Variants in AGPAT4 observed in about 807,000 individuals in gnomAD.
AGPAT4 encodes the protein 1-acylglycerol-3-phosphate O-acyltransferase 4.
AGPAT4 carries 15 observed loss-of-function variants against 48.0 expected under a neutral mutation model. That is an observed-to-expected ratio of 0.31 (90% CI 0.21 to 0.48). The LOEUF is 0.48. Among genes scored for constraint, AGPAT4 ranks in the 20% least tolerant of loss-of-function variants. The pLI is 0.99. For synonymous variants in AGPAT4, 178 were observed against 198.7 expected (o/e 0.90, Z 0.88); for missense variants, 314 against 482.5 (o/e 0.65, Z 3.27).
chr6:161,211,948 G>C (rs1781532850), intron 2 of AGPAT4, among the ~76,000 whole-genome samples: 1 of 152,168 alleles, frequency 6.6e-6, no homozygotes, highest in African/African-American at 2.4e-5. Flanking sequence ...GGCCCAGAGA[G>C]TATTGTGGAA....
At position 161,198,807 on chromosome 6, in the gene AGPAT4, A is replaced by T. The variant is rs1211511682; in HGVS notation, c.179-32390T>A. ...ATGTTAACAGGGAAACTGACCTGGA[A>T]CGTATATGTTGTTTCGAGTAAAGAC... On this transcript the variant is annotated intron_variant, in intron 2 of 8. Transcript: ENST00000320285. This position sits in a 1 kb window ranked among gnomAD's most constrained non-coding sequence, Gnocchi z 4.3. 3.3e-5 allele frequency among the ~76,000 whole-genome samples: 5 copies of T among 152,190 alleles called. No individual in the cohort carries two copies. The highest frequency in any genetic ancestry group is 4.4e-5 in the Non-Finnish European group (3 of 68,034).
rs759838626 is a variant in AGPAT4 at position 161,249,787 on chromosome 6, G to A, written c.-89-17485C>T. Among the ~76,000 whole-genome samples the A allele has an allele frequency of 7.9e-5, 12 of 152,218 alleles. No homozygotes were observed. The Middle Eastern group carries it at 0.014, about 173-fold the overall frequency. ...AGACCTAAAAACAGAAATATCATTC[G>A]ACCCAGCAATCCCATTACTGGTTAT... On this transcript the variant is annotated intron_variant, in intron 1 of 8. Transcript: ENST00000320285. The surrounding 1 kb of genome is among the most constrained non-coding windows in gnomAD (Gnocchi z 6.2).
intron 2 of AGPAT4, among the ~76,000 whole-genome samples, chr6:161,170,586 T>C (rs537284506): frequency 6.6e-6 from 1 of 152,118 alleles, no homozygotes; most frequent in African/African-American, 2.4e-5. Flanking sequence ...CTTATGTAAA[T>C]ATACTGCACA....
At position 161,226,076 on chromosome 6, in the gene AGPAT4, T is replaced by G. The variant is rs1181550216; in HGVS notation, c.178+5960A>C. On this transcript the variant is annotated intron_variant, in intron 2 of 8. Transcript: ENST00000320285. The surrounding 1 kb of genome is among the most constrained non-coding windows in gnomAD (Gnocchi z 6.3). Reference sequence around the variant, plus strand: ...AAGGCGATCACCATCTGGGAACTGATAAGGATGACTCTTTGGACCTTCAAA... The same window carrying G: ...AAGGCGATCACCATCTGGGAACTGAGAAGGATGACTCTTTGGACCTTCAAA... Among the ~76,000 whole-genome samples the G allele has an allele frequency of 1.3e-5, 2 of 152,138 alleles. No homozygotes were observed. Among genetic ancestry groups the G allele is most frequent in the South Asian group, 4.1e-4 (2 of 4,828 alleles).
At position 161,216,813 on chromosome 6, in the gene AGPAT4, G is replaced by A. The variant is rs556782395; in HGVS notation, c.178+15223C>T. 6.6e-5 allele frequency among the ~76,000 whole-genome samples: 10 copies of A among 152,232 alleles called. No homozygotes were observed. The highest frequency in any genetic ancestry group is 2.6e-4 in the Admixed American group (4 of 15,296). ...AGACTTACTATCACGAGACTAGCAC[G>A]AGAAAAACTGGCCCTCATGATTCAA... is the stretch of plus-strand genomic sequence containing the variant. On this transcript the variant is annotated intron_variant, in intron 2 of 8. Coordinates refer to ENST00000320285, the MANE Select transcript of AGPAT4 (RefSeq NM_020133.3). This position sits in a 1 kb window ranked among gnomAD's most constrained non-coding sequence, Gnocchi z 4.8.
At chr6:161,268,986 T>C (rs1783347762) in intron 1 of AGPAT4, among the ~76,000 whole-genome samples, 1 of 152,210 alleles carries the variant, frequency 6.6e-6, no homozygotes, top group Non-Finnish European at 1.5e-5. Flanking sequence ...CCCACTTGTT[T>C]TTATCAGAAC....
Position 161,181,116 on chromosome 6 carries a change from C to T in AGPAT4, c.179-14699G>A, listed in dbSNP as rs77088050. Among the ~76,000 whole-genome samples the T allele has an allele frequency of 9.0e-3, 1,376 of 152,268 alleles. 21 individuals are homozygous for T. Among genetic ancestry groups the T allele is most frequent in the African/African-American group, 0.032 (1,319 of 41,540 alleles). ...TTAATAAAAGCACAAAGTGAAACTA[C>T]TAGCACGGAATAAACAGAAAGGTGC... is the stretch of plus-strand genomic sequence containing the variant. On this transcript the variant is annotated intron_variant, in intron 2 of 8. Transcript: ENST00000320285.
In AGPAT4 at chr6:161,196,715, A is replaced by T. The variant is rs1781074240; in HGVS notation, c.179-30298T>A. Among the ~76,000 whole-genome samples the T allele has an allele frequency of 6.6e-6, 1 of 151,718 alleles. No individual in the cohort carries two copies. The highest frequency in any genetic ancestry group is 1.5e-5 in the Non-Finnish European group (1 of 67,962). On this transcript the variant is annotated intron_variant, in intron 2 of 8. Coordinates refer to ENST00000320285, the MANE Select transcript of AGPAT4 (RefSeq NM_020133.3). The surrounding 1 kb of genome is among the most constrained non-coding windows in gnomAD (Gnocchi z 4.3). ...TCCCAGCTACTTGGGAGGCTGAGGCAGGAGAATCGCTTGAACCTGGGAGGC... is the reference window on the plus strand; with the variant it reads ...TCCCAGCTACTTGGGAGGCTGAGGCTGGAGAATCGCTTGAACCTGGGAGGC...
At chr6:161,258,159 T>C (rs545109398) in intron 1 of AGPAT4, among the ~76,000 whole-genome samples, 1 of 151,984 alleles carries the variant, frequency 6.6e-6, no homozygotes, top group African/African-American at 2.4e-5. Flanking sequence ...CTTATGACAC[T>C]TTTTTTCCTC....
At chr6:161,181,348 G>C (rs547433315) in intron 2 of AGPAT4, among the ~76,000 whole-genome samples, 1 of 152,210 alleles carries the variant, frequency 6.6e-6, no homozygotes, top group South Asian at 2.1e-4. Flanking sequence ...TGTGCACTAA[G>C]CAGCTAGCTC....
At position 161,171,444 on chromosome 6, in the gene AGPAT4, C is replaced by T. The variant is rs1360486336; in HGVS notation, c.179-5027G>A. Among the ~76,000 whole-genome samples the T allele has an allele frequency of 2.6e-5, 4 of 152,216 alleles. No homozygotes were observed. Among genetic ancestry groups the T allele is most frequent in the Non-Finnish European group, 4.4e-5 (3 of 68,048 alleles). ...AGGCAGAAGGGCAAGCAAGCATGTA[C>T]TCAAGTGAGAGAAATAAGGGAAAGC... On this transcript the variant is annotated intron_variant, in intron 2 of 8. Coordinates refer to ENST00000320285, the MANE Select transcript of AGPAT4 (RefSeq NM_020133.3). This position sits in a 1 kb window ranked among gnomAD's most constrained non-coding sequence, Gnocchi z 4.4.
At chr6:161,241,263 CAAAAAAAAAAAA>C (rs61634719) in intron 1 of AGPAT4, among the ~76,000 whole-genome samples, 3 of 90,502 alleles carry the variant, frequency 3.3e-5, no homozygotes, top group Non-Finnish European at 6.9e-5. Flanking sequence ...AACTCTGTCT[CAAAAAAAAAAAA>C]AAAAAAAAAA....
At position 161,143,107 on chromosome 6, in the gene AGPAT4, C is replaced by T. The variant is rs1232629932; in HGVS notation, c.843+3417G>A. On this transcript the variant is annotated intron_variant, in intron 7 of 8. Transcript: ENST00000320285. The surrounding 1 kb of genome is among the most constrained non-coding windows in gnomAD (Gnocchi z 4.7). ...TTCTCTTTAGAGACAGGGTCTTGCT[C>T]TGCTGCCCAGGCTGGAGTGCAGTGG... 1.3e-5 allele frequency among the ~76,000 whole-genome samples: 2 copies of T among 152,230 alleles called. No individual in the cohort carries two copies. The highest frequency in any genetic ancestry group is 6.5e-5 in the Admixed American group (1 of 15,292).
rs543132140 is a variant in AGPAT4 at position 161,215,506 on chromosome 6, G to C, written c.178+16530C>G. ...TTCAGATATCCTGGTCCTTCAGCAT[G>C]AGTGTGGTTCTCAGGTCTGTCTCTC... On this transcript the variant is annotated intron_variant, in intron 2 of 8. Transcript: ENST00000320285. This position sits in a 1 kb window ranked among gnomAD's most constrained non-coding sequence, Gnocchi z 4.5. Among the ~76,000 whole-genome samples, 1 of 152,136 alleles carries C rather than the reference G, an allele frequency of 6.6e-6. No homozygotes were observed. Among genetic ancestry groups the C allele is most frequent in the South Asian group, 2.1e-4 (1 of 4,822 alleles).
At chr6:161,228,094 G>C (rs892157921) in intron 2 of AGPAT4, among the ~76,000 whole-genome samples, 1 of 152,060 alleles carries the variant, frequency 6.6e-6, no homozygotes, top group African/African-American at 2.4e-5. Context: ...CTCCTCCCCT[G>C]GACACAAATT....
Position 161,139,765 on chromosome 6 carries a change from A to T in AGPAT4, c.844-145T>A. 1 of 652,526 alleles carries T rather than the reference A, an allele frequency of 1.5e-6. No individual in the cohort carries two copies. The highest frequency in any genetic ancestry group is 2.6e-6 in the Non-Finnish European group (1 of 386,684). 40.4% of individuals were successfully genotyped at this position (652,526 alleles called of 1,614,324 possible). The stretch of plus-strand genomic sequence containing the variant: ...CTGGGGTCTGCAGCTCCTTCCAGAA[A>T]GCACTTTGTAGGCAGCTGCTGTCTT... On this transcript the variant is annotated intron_variant, in intron 7 of 8. Coordinates refer to ENST00000320285, the MANE Select transcript of AGPAT4 (RefSeq NM_020133.3). This position sits in a 1 kb window ranked among gnomAD's most constrained non-coding sequence, Gnocchi z 9.1.
At chr6:161,151,480 T>C (rs1344928079) in intron 5 of AGPAT4, among the ~76,000 whole-genome samples, 1 of 152,138 alleles carries the variant, frequency 6.6e-6, no homozygotes, top group Non-Finnish European at 1.5e-5. Context: ...AGGGGATGGA[T>C]CAGGAGGGGG....
chr6:161,178,649 C>A lies in AGPAT4; in HGVS notation c.179-12232G>T, dbSNP rs1397095710. On this transcript the variant is annotated intron_variant, in intron 2 of 8. Coordinates refer to ENST00000320285, the MANE Select transcript of AGPAT4 (RefSeq NM_020133.3). The surrounding 1 kb of genome is among the most constrained non-coding windows in gnomAD (Gnocchi z 5.1). Reference sequence around the variant, plus strand: ...GCTGCACCCACTGTCCGACAAGCCCCAGTGAGATGAACCTGGTACCTCAGT... The same window carrying A: ...GCTGCACCCACTGTCCGACAAGCCCAAGTGAGATGAACCTGGTACCTCAGT... Among the ~76,000 whole-genome samples the A allele has an allele frequency of 1.3e-5, 2 of 152,148 alleles. No individual in the cohort carries two copies. Among genetic ancestry groups the A allele is most frequent in the Non-Finnish European group, 2.9e-5 (2 of 68,020 alleles).
chr6:161,168,889 C>T (rs528878655), intron 2 of AGPAT4, among the ~76,000 whole-genome samples: 1 of 152,286 alleles, frequency 6.6e-6, no homozygotes, highest in East Asian at 1.9e-4. Flanking sequence ...GCATGTTTCT[C>T]AATGTCCCCC....
Sources: gnomAD v4.1 joint callset for allele counts (sites outside exome capture counted in the v4.1 genomes callset) on GRCh38, gnomAD v4.1.1 for gene constraint, Gnocchi (gnomAD v3.1) non-coding constraint, MANE v1.5 for transcripts, NCBI Gene and HGNC (gene_info 2026-07-23, HGNC 2026-07-21) for gene names.